The following ABCA12 variants were observed in gnomAD, a reference collection of about 807,000 sequenced individuals.
ABCA12 encodes glucosylceramide transporter ABCA12.
In ABCA12, 156 loss-of-function variants were observed where a neutral mutation model predicts 293.5. That is an observed-to-expected ratio of 0.53 (90% CI 0.47 to 0.61). The LOEUF is 0.61. Ranked by LOEUF, ABCA12 falls within the 20% of genes least tolerant of loss-of-function variation. The pLI is 0.00. For synonymous variants in ABCA12, 1,063 were observed against 1,108.0 expected (o/e 0.96, Z 0.81); for missense variants, 2,797 against 3,090.2 (o/e 0.91, Z 2.25).
chr2:215,015,749 A>AT, intron 14 of ABCA12, 86 bp from the exon 15 acceptor site: 2 of 1,279,518 alleles, frequency 1.6e-6, no homozygotes, highest in Non-Finnish European at 1.1e-6. Flanking sequence ...TATACTCTAA[A>AT]TTTTAAACTA....
chr2:214,974,165 AT>A, intron 35 of ABCA12, 123 bp from the exon 36 acceptor site: 1 of 896,240 alleles, frequency 1.1e-6, no homozygotes, highest in Non-Finnish European at 1.8e-6. Flanking sequence ...CAATTTACTG[AT>A]TTTTCATAAC....
At chr2:214,996,190 A>T (rs994345747) in intron 23 of ABCA12, among the ~76,000 whole-genome samples, 9 of 152,142 alleles carry the variant, frequency 5.9e-5, no homozygotes, top group African/African-American at 2.2e-4. Context: ...TTGAGAAATG[A>T]CTTTTCGTTA....
chr2:215,033,409 GT>G (rs527775163), intron 8 of ABCA12, among the ~76,000 whole-genome samples: 2 of 152,078 alleles, frequency 1.3e-5, no homozygotes, highest in East Asian at 3.9e-4. Context: ...TGGTTATAGA[GT>G]TTCTCTTTTT....
intron 3 of ABCA12, among the ~76,000 whole-genome samples, chr2:215,059,443 A>T (rs1237112009): frequency 6.6e-6 from 1 of 152,066 alleles, no homozygotes; most frequent in Admixed American, 6.6e-5. Context: ...AGCTATGGAT[A>T]TCTGTCCACA....
At chr2:214,981,559 A>G (rs1354707916) in intron 30 of ABCA12, among the ~76,000 whole-genome samples, 2 of 152,190 alleles carry the variant, frequency 1.3e-5, no homozygotes, top group African/African-American at 2.4e-5. Flanking sequence ...CTCAACTCAC[A>G]GCGGGCAGTA....
At chr2:215,094,538 C>T (rs1702211433) in intron 2 of ABCA12, among the ~76,000 whole-genome samples, 2 of 152,146 alleles carry the variant, frequency 1.3e-5, no homozygotes, top group African/African-American at 2.4e-5. Flanking sequence ...ATTCTATCGT[C>T]GTTTCACAAC....
intron 7 of ABCA12, among the ~76,000 whole-genome samples, chr2:215,037,925 T>C (rs1387022703): frequency 6.6e-6 from 1 of 152,202 alleles, no homozygotes; most frequent in African/African-American, 2.4e-5. Context: ...ATTGTGAAGT[T>C]AAATGTAGTA....
rs548635261 is a variant in ABCA12 at position 214,960,933 on chromosome 2, G to A, written c.5885-1855C>T. Among the ~76,000 whole-genome samples the A allele has an allele frequency of 6.2e-4, 95 of 152,142 alleles. 1 individual carries two copies. In the South Asian group the frequency reaches 0.02, roughly 32 times the overall value. ...ATAGAATAGATATTGACATTGCAAA[G>A]GAAAGCTAATTAAAAGATTTTTATT... is the stretch of plus-strand genomic sequence containing the variant. On this transcript the variant is annotated intron_variant, in intron 39 of 52. Transcript: ENST00000272895.
At chr2:215,066,872 CAAT>C (rs1281410992) in intron 2 of ABCA12, among the ~76,000 whole-genome samples, 1 of 144,074 alleles carries the variant, frequency 6.9e-6, no homozygotes, top group African/African-American at 2.5e-5. Context: ...GTTGCAACAA[CAAT>C]AACAACAGTG....
At chr2:215,046,799 A>T (rs116548070) in intron 6 of ABCA12, among the ~76,000 whole-genome samples, 5,335 of 152,202 alleles carry the variant, frequency 0.035, 295 homozygotes, top group African/African-American at 0.12. Flanking sequence ...TACTATTCAT[A>T]ATAGCAAAGA....
chr2:214,991,104 G>A (rs964922550), intron 23 of ABCA12, 73 bp from the exon 24 acceptor site: 1 of 1,319,238 alleles, frequency 7.6e-7, no homozygotes, highest in Non-Finnish European at 1.1e-6. Flanking sequence ...CCTGTATTAT[G>A]TCAAAATGTC....
At chr2:215,097,513 T>C (rs922797372) in intron 2 of ABCA12, among the ~76,000 whole-genome samples, 5 of 152,138 alleles carry the variant, frequency 3.3e-5, no homozygotes, top group African/African-American at 7.2e-5. Context: ...GCTTAACAAA[T>C]AGCCGAGTGT....
intron 9 of ABCA12, among the ~76,000 whole-genome samples, chr2:215,030,438 C>CA (rs59050296): frequency 0.03 from 3,440 of 113,598 alleles, 58 homozygotes; most frequent in Middle Eastern, 0.052. Context: ...ACTAACAATA[C>CA]AAAAAAAAAA....
chr2:215,083,784 T>A (rs1701988506), intron 2 of ABCA12, among the ~76,000 whole-genome samples: 1 of 152,174 alleles, frequency 6.6e-6, no homozygotes, highest in Admixed American at 6.5e-5. Flanking sequence ...TTCAATTCAC[T>A]GAAAAGCTAA....
chr2:215,103,981 C>T (rs915791785), intron 2 of ABCA12, among the ~76,000 whole-genome samples: 13 of 150,508 alleles, frequency 8.6e-5, no homozygotes, highest in African/African-American at 2.7e-4. Flanking sequence ...GGACAGATTC[C>T]ATTTAAAAAA....
At chr2:215,006,499 G>C (rs2105995581) in intron 19 of ABCA12, among the ~76,000 whole-genome samples, 1 of 152,116 alleles carries the variant, frequency 6.6e-6, no homozygotes, top group East Asian at 1.9e-4. Flanking sequence ...TAAAATTTGG[G>C]TTGTAATTAT....
chr2:214,946,393 A>C (rs1698583365), intron 48 of ABCA12, among the ~76,000 whole-genome samples: 1 of 152,250 alleles, frequency 6.6e-6, no homozygotes, highest in East Asian at 1.9e-4. Context: ...TTAATGCATA[A>C]TGTTTACATA....
chr2:215,127,240 T>G (rs189867528), intron 1 of ABCA12, among the ~76,000 whole-genome samples: 48 of 152,326 alleles, frequency 3.2e-4, no homozygotes, highest in African/African-American at 1.2e-3. Context: ...GATAGTTCCA[T>G]GCACTGTTGA....
chr2:215,092,777 T>C (rs1292420347), intron 2 of ABCA12, among the ~76,000 whole-genome samples: 1 of 152,130 alleles, frequency 6.6e-6, no homozygotes, highest in Non-Finnish European at 1.5e-5. Context: ...GCCAAACCCA[T>C]ATACTCTCCT....
Sources: gnomAD v4.1 joint callset for allele counts (sites outside exome capture counted in the v4.1 genomes callset) on GRCh38, gnomAD v4.1.1 for gene constraint, MANE v1.5 for transcripts, NCBI Gene and HGNC (gene_info 2026-07-23, HGNC 2026-07-21) for gene names.